Variants in SLC38A12 observed in about 807,000 individuals in gnomAD.
The protein encoded by SLC38A12 is solute carrier family 38 member 12, also known as putative sodium-coupled neutral amino acid transporter 12.
chr17:74,839,093 C>G, the SLC38A12 span: 1 of 1,534,162 alleles, frequency 6.5e-7, no homozygotes, highest in African/African-American at 1.4e-5. Flanking sequence ...AAGCACCAGA[C>G]CCACCTGAGC....
the SLC38A12 span, among the ~76,000 whole-genome samples, chr17:74,804,042 T>C: frequency 6.6e-6 from 1 of 152,242 alleles, no homozygotes; most frequent in African/African-American, 2.4e-5. Flanking sequence ...GAAAACTGTA[T>C]ATGCCAAACT....
the SLC38A12 span, among the ~76,000 whole-genome samples, chr17:74,799,595 G>C: frequency 1.3e-5 from 2 of 152,178 alleles, no homozygotes; most frequent in Admixed American, 1.3e-4. Flanking sequence ...GGGCCAGGGG[G>C]ATTTCTGTCT....
At chr17:74,777,160 G>A in the SLC38A12 span, 1 of 721,614 alleles carries the variant, frequency 1.4e-6, no homozygotes, top group East Asian at 2.7e-5. Context: ...GAGGCCCTAA[G>A]TGTCTGTGAT....
chr17:74,785,616 G>A, the SLC38A12 span: 96 of 1,611,804 alleles, frequency 6.0e-5, no homozygotes, highest in Non-Finnish European at 7.9e-5. Context: ...GAGAGGCAGC[G>A]GGGACTTCCC....
chr17:74,779,632 G>T, the SLC38A12 span, among the ~76,000 whole-genome samples: 23 of 152,314 alleles, frequency 1.5e-4, no homozygotes, highest in Middle Eastern at 6.8e-3. Flanking sequence ...ACTCACTGCT[G>T]ATGCTGGCTG....
At chr17:74,808,785 T>C in the SLC38A12 span, among the ~76,000 whole-genome samples, 2,417 of 152,170 alleles carry the variant, frequency 0.016, 60 homozygotes, top group African/African-American at 0.054. Context: ...CAAAGGTGGG[T>C]GGAGTTTGCT....
chr17:74,796,461 C>T, the SLC38A12 span, among the ~76,000 whole-genome samples: 2 of 152,190 alleles, frequency 1.3e-5, no homozygotes, highest in African/African-American at 2.4e-5. Flanking sequence ...GCTGGCCTCC[C>T]GGCTTCATTA....
At chr17:74,799,313 G>A in the SLC38A12 span, among the ~76,000 whole-genome samples, 2 of 152,228 alleles carry the variant, frequency 1.3e-5, no homozygotes, top group South Asian at 2.1e-4. Flanking sequence ...AGCCGGGAAC[G>A]CAGATGGCAG....
the SLC38A12 span, chr17:74,785,424 T>C: frequency 6.3e-7 from 1 of 1,579,626 alleles, no homozygotes; most frequent in Non-Finnish European, 8.7e-7. Context: ...CCTTGGGAGC[T>C]GTTAAGGGGA....
the SLC38A12 span, chr17:74,788,700 G>T: frequency 9.0e-7 from 1 of 1,109,802 alleles, no homozygotes. Context: ...GGGCTGGTGG[G>T]TCTGGTCGGT....
the SLC38A12 span, among the ~76,000 whole-genome samples, chr17:74,823,738 G>A: frequency 6.0e-3 from 921 of 152,342 alleles, 4 homozygotes; most frequent in Non-Finnish European, 8.5e-3. Context: ...GGTGGCCACC[G>A]CAGATTCCTG....
At chr17:74,832,472 C>T in the SLC38A12 span, among the ~76,000 whole-genome samples, 1 of 152,246 alleles carries the variant, frequency 6.6e-6, no homozygotes, top group Non-Finnish European at 1.5e-5. Flanking sequence ...GGTCCTCACC[C>T]CTGTTTTGGG....
the SLC38A12 span, among the ~76,000 whole-genome samples, chr17:74,824,386 A>G: frequency 6.6e-6 from 1 of 152,172 alleles, no homozygotes; most frequent in Non-Finnish European, 1.5e-5. Context: ...CTTTGTGCTC[A>G]CAGGCCCAGC....
the SLC38A12 span, among the ~76,000 whole-genome samples, chr17:74,828,976 C>T: frequency 6.6e-6 from 1 of 152,100 alleles, no homozygotes; most frequent in African/African-American, 2.4e-5. Context: ...AATACAATGC[C>T]AGCCACCTGG....
the SLC38A12 span, among the ~76,000 whole-genome samples, chr17:74,828,904 C>T: frequency 3.5e-4 from 53 of 152,152 alleles, no homozygotes; most frequent in Non-Finnish European, 6.2e-4. Flanking sequence ...TTCCCAGGTA[C>T]GCACACATCC....
At chr17:74,785,075 G>A in the SLC38A12 span, among the ~76,000 whole-genome samples, 1 of 152,164 alleles carries the variant, frequency 6.6e-6, no homozygotes, top group Non-Finnish European at 1.5e-5. Context: ...AGTGATCTTG[G>A]AAAAGTGGGT....
the SLC38A12 span, chr17:74,838,164 G>A: frequency 4.9e-5 from 48 of 985,568 alleles, no homozygotes; most frequent in Non-Finnish European, 5.8e-5. Context: ...GTCCCTGCGT[G>A]GTGTAATTGG....
chr17:74,782,253 A>C, the SLC38A12 span, among the ~76,000 whole-genome samples: 1 of 152,072 alleles, frequency 6.6e-6, no homozygotes, highest in East Asian at 1.9e-4. Context: ...ATTTTAGTAG[A>C]GATGGAGTTT....
At chr17:74,802,016 T>C in the SLC38A12 span, among the ~76,000 whole-genome samples, 1,389 of 152,174 alleles carry the variant, frequency 9.1e-3, 9 homozygotes, top group Non-Finnish European at 0.014. Context: ...TGCTCCTGTC[T>C]GAGCACGGCC....
Sources: gnomAD v4.1 joint callset for allele counts (sites outside exome capture counted in the v4.1 genomes callset) on GRCh38, gnomAD v4.1.1 for gene constraint, MANE v1.5 for transcripts, NCBI Gene and HGNC (gene_info 2026-07-23, HGNC 2026-07-21) for gene names.